EPHX2: variants seen among roughly 807,000 people sequenced by gnomAD.
EPHX2 encodes epoxide hydrolase 2, also known as bifunctional epoxide hydrolase 2.
In EPHX2, 74 loss-of-function variants were observed where a neutral mutation model predicts 78.7. That is an observed-to-expected ratio of 0.94 (90% CI 0.78 to 1.14). The LOEUF is 1.14. EPHX2 is among the 50% of genes most tolerant of loss of function. EPHX2 has a pLI of 0.00. For missense variants in EPHX2, 715 were observed against 702.5 expected (o/e 1.02, Z -0.20); for synonymous variants, 251 against 255.2 (o/e 0.98, Z 0.16).
chr8:27,533,256 C>T (rs1268571092), intron 12 of EPHX2, among the ~76,000 whole-genome samples: 1 of 152,206 alleles, frequency 6.6e-6, no homozygotes, highest in Non-Finnish European at 1.5e-5. Context: ...AACCGAGGCT[C>T]TAGGGAAAGA....
chr8:27,496,948 G>T lies in EPHX2; in HGVS notation c.102-3978G>T, dbSNP rs182956730. Among the ~76,000 whole-genome samples, 222 of 152,286 alleles carry T rather than the reference G, an allele frequency of 1.5e-3. 2 individuals are homozygous for T. The highest frequency in any genetic ancestry group is 0.013 in the South Asian group (62 of 4,822). On this transcript the variant is annotated intron_variant, in intron 1 of 18. Transcript: ENST00000521400. Reference sequence around the variant, plus strand: ...GCTAATATGTCCCTCCCTAATAAGGGTGTGGAACTTTCAGGCACAACAAGA... The same window carrying T: ...GCTAATATGTCCCTCCCTAATAAGGTTGTGGAACTTTCAGGCACAACAAGA...
At position 27,544,184 on chromosome 8, in the gene EPHX2, A is replaced by C; in HGVS notation, c.1531-2A>C. ...ACCTTTCTGCCTGGGGTTTCCTTTC[A>C]GATTCCCCACCTGAAAAGGGGACAC... On this transcript the variant is annotated splice_acceptor_variant, in intron 17 of 18. Transcript: ENST00000521400. LOFTEE classifies it high-confidence loss of function. The C allele has an allele frequency of 6.2e-7, 1 of 1,614,120 alleles. No individual in the cohort carries two copies. Among genetic ancestry groups the C allele is most frequent in the Non-Finnish European group, 8.5e-7 (1 of 1,180,028 alleles).
chr8:27,541,295 A>G (rs1330529794), intron 15 of EPHX2, among the ~76,000 whole-genome samples, 178 bp from the exon 16 acceptor site: 1 of 152,224 alleles, frequency 6.6e-6, no homozygotes, highest in East Asian at 1.9e-4. Context: ...CCTTGCTGCT[A>G]GAGCTTGGCA....
intron 9 of EPHX2, among the ~76,000 whole-genome samples, chr8:27,519,428 A>G (rs1410150184): frequency 6.6e-6 from 1 of 152,214 alleles, no homozygotes; most frequent in Non-Finnish European, 1.5e-5. Context: ...CGAGCCTCTC[A>G]CTGCTCCCCT....
At chr8:27,548,608 T>G (rs143652273), downstream of EPHX2, among the ~76,000 whole-genome samples, 5 of 152,276 alleles carry the variant, frequency 3.3e-5, no homozygotes, top group East Asian at 9.7e-4. Flanking sequence ...CTGAATAAAT[T>G]GGAGAGTATA....
At chr8:27,529,308 T>C (rs866069710) in intron 12 of EPHX2, among the ~76,000 whole-genome samples, 1 of 152,222 alleles carries the variant, frequency 6.6e-6, no homozygotes, top group Non-Finnish European at 1.5e-5. Context: ...TGAGAAAGCA[T>C]GAAGACTAGG....
chr8:27,540,550 G>A lies in EPHX2; in HGVS notation c.1277-4G>A. 1 of 1,613,080 alleles carries A rather than the reference G, an allele frequency of 6.2e-7. No homozygotes were observed. Among genetic ancestry groups the A allele is most frequent in the African/African-American group, 1.3e-5 (1 of 74,980 alleles). ...GGAAAGTCAACAAGTGGCTTTTTTT[G>A]CAGGAGGACTTTTTGTAAATAGCCC... On this transcript the variant is annotated splice_region_variant and splice_polypyrimidine_tract_variant and intron_variant, in intron 14 of 18. Transcript: ENST00000521400.
rs376705396 is a variant in EPHX2, at chr8:27,503,661, C to G, written c.244C>G (p.Leu82Val). ...RKCSETAKVC[L>V]PKNFSIKEIF... ...GTGCTCCGAGACCGCTAAAGTCTGCCTCCCCAAGAATTTCTCCATAAAAGA... is the reference window on the plus strand; with the variant it reads ...GTGCTCCGAGACCGCTAAAGTCTGCGTCCCCAAGAATTTCTCCATAAAAGA... Residue 82 changes from leucine (L) to valine (V), a missense_variant, in exon 3 of 19, where the codon CTC becomes GTC. Leu to Val is a conservative substitution (Grantham distance 32, BLOSUM62 1). Coordinates refer to ENST00000521400, the MANE Select transcript of EPHX2 (RefSeq NM_001979.6). The G allele has an allele frequency of 1.9e-6, 3 of 1,613,842 alleles. No homozygotes were observed. The highest frequency in any genetic ancestry group is 2.5e-6 in the Non-Finnish European group (3 of 1,179,990).
At position 27,520,886 on chromosome 8, in the gene EPHX2, A is replaced by G; in HGVS notation, c.949A>G (p.Met317Val). ...CTGTGTGTGTCTTCTTCCTTAGGAG[A>G]TGGTAACCTTCCTGGATAAACTGGT... ...EYCMEVLCKE[M>V]VTFLDKLGLS... The change falls in exon 10 of 19, where the codon ATG becomes GTG. Residue 317 changes from methionine (M) to valine (V), a missense_variant. Coordinates refer to ENST00000521400, the MANE Select transcript of EPHX2 (RefSeq NM_001979.6). 1 of 1,614,110 alleles carries G rather than the reference A, an allele frequency of 6.2e-7. No homozygotes were observed. The highest frequency in any genetic ancestry group is 2.2e-5 in the East Asian group (1 of 44,866).
chr8:27,515,588 A>G (rs1814416156), intron 6 of EPHX2, 130 bp from the exon 7 acceptor site: 1 of 722,642 alleles, frequency 1.4e-6, no homozygotes, highest in Non-Finnish European at 2.3e-6. Flanking sequence ...GGGGTCTTTC[A>G]CTGAGAAATC....
At position 27,491,262 on chromosome 8, in the gene EPHX2, G is replaced by T. The variant is rs777221050; in HGVS notation, c.54G>T (p.Ala18=). Residue 18 remains alanine, a synonymous_variant, in exon 1 of 19, where the codon GCG becomes GCT. Coordinates refer to ENST00000521400, the MANE Select transcript of EPHX2 (RefSeq NM_001979.6). ...TTGACGGGGTGCTGGCGCTGCCAGC[G>T]GTGTTCGGCGTCCTCGGCCGCACGG... ...FDLDGVLALP[A]VFGVLGRTEE... 1.1e-5 allele frequency: 18 copies of T among 1,582,312 alleles called. No individual in the cohort carries two copies. The highest frequency in any genetic ancestry group is 7.0e-5 in the East Asian group (3 of 43,028).
chr8:27,517,331 C>G (rs531668612), intron 8 of EPHX2, among the ~76,000 whole-genome samples: 1 of 152,100 alleles, frequency 6.6e-6, no homozygotes, highest in Admixed American at 6.5e-5. Flanking sequence ...CCTACAGATG[C>G]AATGCAATCC....
chr8:27,517,656 C>T (rs777704003), intron 8 of EPHX2, among the ~76,000 whole-genome samples: 3 of 152,216 alleles, frequency 2.0e-5, no homozygotes, highest in Non-Finnish European at 4.4e-5. Flanking sequence ...AGGACACTCT[C>T]TTCAAACAAA....
chr8:27,499,523 TG>T (rs1390795808), intron 1 of EPHX2, among the ~76,000 whole-genome samples: 6 of 152,164 alleles, frequency 3.9e-5, no homozygotes, highest in Non-Finnish European at 7.4e-5. Context: ...GCTCCCAGGA[TG>T]GGGATATTTG....
intron 12 of EPHX2, among the ~76,000 whole-genome samples, chr8:27,525,954 T>C (rs1814831475): frequency 6.6e-6 from 1 of 152,212 alleles, no homozygotes; most frequent in South Asian, 2.1e-4. Context: ...GGGGCATCCC[T>C]GCCACTGTTA....
intron 16 of EPHX2, among the ~76,000 whole-genome samples, chr8:27,543,493 C>T (rs571244348): frequency 2.6e-5 from 4 of 152,266 alleles, no homozygotes; most frequent in East Asian, 3.9e-4. Context: ...GCCATCAATT[C>T]GGTTCTCCCA....
Position 27,544,750 on chromosome 8 carries a change from G to A in EPHX2, c.*228G>A, listed in dbSNP as rs72478910. The A allele has an allele frequency of 6.7e-5, 38 of 569,392 alleles. No homozygotes were observed. In the East Asian group the frequency reaches 9.7e-4, roughly 15 times the overall value. The allele number at this position is 569,392 out of a possible 1,614,324, so 35.3% of individuals were successfully genotyped here. On this transcript the variant is annotated 3_prime_UTR_variant, in exon 19 of 19. Transcript: ENST00000521400. Reference sequence around the variant, plus strand: ...TTAGTTCTCCAGGCATGAATGCATCGTCCCTTTATCTGTAAGAACCCTTAG... The same window carrying A: ...TTAGTTCTCCAGGCATGAATGCATCATCCCTTTATCTGTAAGAACCCTTAG...
intron 14 of EPHX2, among the ~76,000 whole-genome samples, chr8:27,540,345 C>T (rs1815356896): frequency 2.0e-5 from 3 of 152,102 alleles, no homozygotes; most frequent in Admixed American, 1.3e-4. Context: ...TGGGAGGGAA[C>T]ATCAGGCTCC....
At chr8:27,523,282 G>C (rs1814714443) in intron 11 of EPHX2, among the ~76,000 whole-genome samples, 1 of 152,326 alleles carries the variant, frequency 6.6e-6, no homozygotes, top group South Asian at 2.1e-4. Flanking sequence ...AGAAAATGCT[G>C]TGCAAATGTC....
Sources: gnomAD v4.1 joint callset for allele counts (sites outside exome capture counted in the v4.1 genomes callset) on GRCh38, gnomAD v4.1.1 for gene constraint, MANE v1.5 for transcripts, NCBI Gene and HGNC (gene_info 2026-07-23, HGNC 2026-07-21) for gene names.